Variants in LRRC58 observed in about 807,000 individuals in gnomAD.
The protein encoded by LRRC58 is leucine-rich repeat-containing protein 58.
A neutral mutation model predicts 30.6 loss-of-function variants in LRRC58; 18 were observed. That is an observed-to-expected ratio of 0.59 (90% CI 0.41 to 0.87). The LOEUF is 0.87. Ranked by LOEUF, LRRC58 falls within the 40% of genes least tolerant of loss-of-function variation. The pLI is 0.00. For synonymous variants in LRRC58, 221 were observed against 206.0 expected (o/e 1.07, Z -0.62); for missense variants, 420 against 468.4 (o/e 0.90, Z 0.95).
At chr3:120,334,376 T>C (rs548992900) in intron 3 of LRRC58, among the ~76,000 whole-genome samples, 326 of 152,012 alleles carry the variant, frequency 2.1e-3, no homozygotes, top group Non-Finnish European at 3.4e-3. Context: ...GGTGTTGTGG[T>C]GGGCGCCTGT....
chr3:120,338,610 T>TA (rs1935865261), intron 1 of LRRC58, among the ~76,000 whole-genome samples: 1 of 152,224 alleles, frequency 6.6e-6, no homozygotes, highest in Non-Finnish European at 1.5e-5. Flanking sequence ...AACAGAGATC[T>TA]AAATGACTGA....
Position 120,334,726 on chromosome 3 carries a change from G to C in LRRC58, c.907+136C>G, listed in dbSNP as rs879693747. On this transcript the variant is annotated intron_variant, in intron 3 of 3. Coordinates refer to ENST00000295628, the MANE Select transcript of LRRC58 (RefSeq NM_001099678.2). Reference sequence around the variant, plus strand: ...GAAAAAGAATTTTTTAAAAAACCCAGAGTGAAATGTCTTTCTCATAAATGA... The same window carrying C: ...GAAAAAGAATTTTTTAAAAAACCCACAGTGAAATGTCTTTCTCATAAATGA... 15 of 828,144 alleles carry C rather than the reference G, an allele frequency of 1.8e-5. No homozygotes were observed. In the African/African-American group the frequency reaches 2.3e-4, roughly 13 times the overall value. 51.3% of individuals were successfully genotyped at this position (828,144 alleles called of 1,614,324 possible).
intron 1 of LRRC58, among the ~76,000 whole-genome samples, chr3:120,346,761 T>C (rs1279650071): frequency 1.3e-5 from 2 of 152,234 alleles, no homozygotes; most frequent in Middle Eastern, 3.2e-3. Context: ...ATCAAGCTGG[T>C]ATAGGCTACC....
chr3:120,335,954 C>T lies in LRRC58; in HGVS notation c.501-1G>A. On this transcript the variant is annotated splice_acceptor_variant, in intron 1 of 3. Coordinates refer to ENST00000295628, the MANE Select transcript of LRRC58 (RefSeq NM_001099678.2). LOFTEE classifies it high-confidence loss of function. ...TCCTCCAAGATATAAACACTCTAAA[C>T]TGCAAAAATAAATGAACAAAACCAA... 6.4e-7 allele frequency: 1 copy of T among 1,569,948 alleles called. No homozygotes were observed. The highest frequency in any genetic ancestry group is 8.7e-7 in the Non-Finnish European group (1 of 1,147,438).
At chr3:120,341,631 A>G (rs529622444) in intron 1 of LRRC58, among the ~76,000 whole-genome samples, 1 of 152,246 alleles carries the variant, frequency 6.6e-6, no homozygotes, top group Admixed American at 6.5e-5. Flanking sequence ...GCCCTCGTTA[A>G]TGGGATTAGT....
At chr3:120,335,214 T>TA (rs946345975) in intron 2 of LRRC58, 75 bp from the exon 3 acceptor site, 3 of 1,284,918 alleles carry the variant, frequency 2.3e-6, no homozygotes, top group Non-Finnish European at 3.2e-6. Flanking sequence ...TATGTGTGTA[T>TA]ACAGAACTTG....
chr3:120,325,630 A>G lies in LRRC58; in HGVS notation c.*5570T>C, dbSNP rs1223975268. 6.6e-6 allele frequency: 1 copy of G among 152,194 alleles called. No homozygotes were observed. Among genetic ancestry groups the G allele is most frequent in the Non-Finnish European group, 1.5e-5 (1 of 68,026 alleles). The allele number at this position is 152,194 out of a possible 1,614,324, so 9.4% of individuals were successfully genotyped here. A position where few individuals can be genotyped will look rare whatever the true frequency, so the allele number is the denominator to read the frequency against. Reference sequence around the variant, plus strand: ...TTCTTAGTAAATATAGACCAAGAAGAGATAGAAAAAGAATGGGAGATATTT... The same window carrying G: ...TTCTTAGTAAATATAGACCAAGAAGGGATAGAAAAAGAATGGGAGATATTT... On this transcript the variant is annotated 3_prime_UTR_variant, in exon 4 of 4. Transcript: ENST00000295628.
chr3:120,341,456 G>A (rs906200366), intron 1 of LRRC58, among the ~76,000 whole-genome samples: 15 of 152,144 alleles, frequency 9.9e-5, no homozygotes, highest in Admixed American at 9.2e-4. Flanking sequence ...TGAGTCTGAG[G>A]GCAAGTGTAA....
intron 3 of LRRC58, among the ~76,000 whole-genome samples, chr3:120,332,591 TA>T (rs1365883121): frequency 6.6e-6 from 1 of 152,194 alleles, no homozygotes; most frequent in African/African-American, 2.4e-5. Context: ...TAAAGCAGTA[TA>T]ACACTATCTT....
rs1935715733 is a variant in LRRC58 at position 120,328,764 on chromosome 3, A to G, written c.*2436T>C. ...AGAAACAGGGAAAATCTTAGAAATT[A>G]TTAGCTGCTCTTACAAAAGTTTAGG... On this transcript the variant is annotated 3_prime_UTR_variant, in exon 4 of 4. Transcript: ENST00000295628. The G allele has an allele frequency of 6.6e-6, 1 of 152,214 alleles. No individual in the cohort carries two copies. The allele number at this position is 152,214 out of a possible 1,614,324, so 9.4% of individuals were successfully genotyped here.
chr3:120,331,288 G>C lies in LRRC58; in HGVS notation c.1028C>G (p.Ser343Cys), dbSNP rs746947407. The change falls in exon 4 of 4, where the codon TCT (serine) becomes TGT (cysteine). Residue 343 changes from serine to cysteine, a missense_variant. Transcript: ENST00000295628. ...PECSSPCSSA[S>C]HSSTSQSESD... The stretch of plus-strand genomic sequence containing the variant: ...TTCACTCTGGGAAGTGGAGCTGTGA[G>C]AGGCAGAACTGCAAGGGGAAGAACA... 1.2e-6 allele frequency: 2 copies of C among 1,614,000 alleles called. No individual in the cohort carries two copies. Among genetic ancestry groups the C allele is most frequent in the East Asian group, 4.5e-5 (2 of 44,884 alleles).
rs1362773676 is a variant in LRRC58, at chr3:120,329,734, A to C, written c.*1466T>G. ...TCAGAAAAGGTACACCTGATGTTCT[A>C]ATGCCTATCTGATCTGTATAACATT... On this transcript the variant is annotated 3_prime_UTR_variant, in exon 4 of 4. Coordinates refer to ENST00000295628, the MANE Select transcript of LRRC58 (RefSeq NM_001099678.2). 1 of 151,956 alleles carries C rather than the reference A, an allele frequency of 6.6e-6. No individual in the cohort carries two copies. Among genetic ancestry groups the C allele is most frequent in the Non-Finnish European group, 1.5e-5 (1 of 67,902 alleles). 9.4% of individuals were successfully genotyped at this position (151,956 alleles called of 1,614,324 possible).
chr3:120,338,066 T>G (rs1935857653), intron 1 of LRRC58, among the ~76,000 whole-genome samples: 1 of 152,102 alleles, frequency 6.6e-6, no homozygotes, highest in Admixed American at 6.6e-5. Context: ...TGGTCTCGAA[T>G]TCCTGACCTC....
At position 120,344,068 on chromosome 3, in the gene LRRC58, C is replaced by CA. The variant is rs202031470; in HGVS notation, c.500+4675dup. Reference sequence around the variant, plus strand: ...AAACAAATAAACAAACAAACAAAAACAAAAAAAAACCCCCAAACAACAACA... The same window carrying CA: ...AAACAAATAAACAAACAAACAAAAACAAAAAAAAAACCCCCAAACAACAACA... On this transcript the variant is annotated intron_variant, in intron 1 of 3. Coordinates refer to ENST00000295628, the MANE Select transcript of LRRC58 (RefSeq NM_001099678.2). Among the ~76,000 whole-genome samples the CA allele has an allele frequency of 4.3e-3, 646 of 149,268 alleles. 3 individuals are homozygous for CA. Among genetic ancestry groups the CA allele is most frequent in the African/African-American group, 0.015 (594 of 40,632 alleles).
At chr3:120,347,546 C>A (rs13327125) in intron 1 of LRRC58, among the ~76,000 whole-genome samples, 17,919 of 149,908 alleles carry the variant, frequency 0.12, 1,146 homozygotes, top group African/African-American at 0.16. Flanking sequence ...CGCCCGCCAC[C>A]GCGCCCGGCT....
chr3:120,344,223 TAAAG>T (rs1181755674), intron 1 of LRRC58, among the ~76,000 whole-genome samples: 4 of 152,294 alleles, frequency 2.6e-5, no homozygotes, highest in Admixed American at 1.3e-4. Context: ...CATCTGTGGA[TAAAG>T]AAAGTTTTCT....
In LRRC58 at chr3:120,342,030, C is replaced by T. The variant is rs989305199; in HGVS notation, c.501-6077G>A. ...CACCCTTGGGGGCCCCAGGAAGGAT[C>T]CCCCCAACAATCCCTGCAGGCTCGA... On this transcript the variant is annotated intron_variant, in intron 1 of 3. Coordinates refer to ENST00000295628, the MANE Select transcript of LRRC58 (RefSeq NM_001099678.2). Among the ~76,000 whole-genome samples the T allele has an allele frequency of 6.6e-5, 10 of 152,182 alleles. No individual in the cohort carries two copies. In the Middle Eastern group the frequency reaches 0.017, roughly 259 times the overall value.
chr3:120,336,004 T>C, intron 1 of LRRC58, 51 bp from the exon 2 acceptor site: 1 of 1,333,344 alleles, frequency 7.5e-7, no homozygotes, highest in Non-Finnish European at 1.0e-6. Flanking sequence ...TTGAAAAAGA[T>C]ACCCCATTGT....
rs1284271780 is a variant in LRRC58, at chr3:120,334,959, A to G, written c.810T>C (p.Ile270=). ...GAGTGTAGGAAATATTTCGAATCTT[A>G]ATGGTCCGTGCAGCTAATTCCAGGA... The part of the protein sequence containing the change: ...PTLLELAART[I]KIRNISYTPY... Residue 270 remains isoleucine (I), a synonymous_variant, in exon 3 of 4, where the codon ATT becomes ATC. Transcript: ENST00000295628. 13 of 1,613,720 alleles carry G rather than the reference A, an allele frequency of 8.1e-6. No individual in the cohort carries two copies. The highest frequency in any genetic ancestry group is 1.1e-5 in the Non-Finnish European group (13 of 1,179,828).
Sources: allele counts gnomAD v4.1 joint callset (sites outside exome capture counted in the v4.1 genomes callset), GRCh38; gene constraint gnomAD v4.1.1; transcripts MANE v1.5; gene names NCBI Gene and HGNC (gene_info 2026-07-23, HGNC 2026-07-21).